The following CHD9 variants were observed in gnomAD, a reference collection of about 807,000 sequenced individuals.
CHD9 encodes chromodomain helicase DNA binding protein 9.
A neutral mutation model predicts 316.1 loss-of-function variants in CHD9; 77 were observed. The ratio of observed to expected loss-of-function variants is 0.24; its 90% CI spans 0.20 to 0.29. The LOEUF is 0.29. Ranked by LOEUF, CHD9 falls within the 10% of genes least tolerant of loss-of-function variation. The probability of loss-of-function intolerance (pLI) is 1.00; values close to 1 mark genes in which losing one functional copy is unlikely to be tolerated. For missense variants in CHD9, 2,763 were observed against 3,438.1 expected (o/e 0.80, Z 4.91); for synonymous variants, 1,129 against 1,158.3 (o/e 0.97, Z 0.51).
At chr16:53,185,114 T>C (rs2043870565) in intron 2 of CHD9, among the ~76,000 whole-genome samples, 2 of 152,284 alleles carry the variant, frequency 1.3e-5, no homozygotes, top group Admixed American at 6.5e-5. Flanking sequence ...GCTGTAAAGA[T>C]ACCCAAAAAT....
At chr16:53,123,305 C>T (rs1436028569) in intron 1 of CHD9, among the ~76,000 whole-genome samples, 1 of 151,730 alleles carries the variant, frequency 6.6e-6, no homozygotes, top group Non-Finnish European at 1.5e-5. Context: ...TATTGCCCCC[C>T]AGAAGAAACC....
chr16:53,093,162 A>T (rs879461935), intron 1 of CHD9, among the ~76,000 whole-genome samples: 3 of 152,236 alleles, frequency 2.0e-5, no homozygotes, highest in Non-Finnish European at 4.4e-5. Context: ...CTCAGGCACT[A>T]GGGCCACCCC....
intron 2 of CHD9, among the ~76,000 whole-genome samples, chr16:53,178,880 G>T (rs1170072529): frequency 6.6e-6 from 1 of 152,144 alleles, no homozygotes; most frequent in Non-Finnish European, 1.5e-5. Flanking sequence ...AGGCATACTG[G>T]CGCACACCTG....
chr16:53,229,152 G>T, intron 8 of CHD9, 52 bp downstream of exon 8: 1 of 838,958 alleles, frequency 1.2e-6, no homozygotes, highest in Non-Finnish European at 1.8e-6. Flanking sequence ...AATACATGTA[G>T]CATTATTTAT....
chr16:53,116,500 C>G (rs1323676928), intron 1 of CHD9, among the ~76,000 whole-genome samples: 2 of 152,146 alleles, frequency 1.3e-5, no homozygotes, highest in Admixed American at 6.6e-5. Flanking sequence ...CTTTGCTAGT[C>G]AATAATTATT....
At chr16:53,275,658 C>T (rs1427008433) in intron 24 of CHD9, among the ~76,000 whole-genome samples, 4 of 152,134 alleles carry the variant, frequency 2.6e-5, no homozygotes, top group Admixed American at 6.6e-5. Context: ...ACCTACTACT[C>T]AACCCCCCAT....
chr16:53,282,228 A>C (rs1275207338), intron 24 of CHD9, among the ~76,000 whole-genome samples: 2 of 152,144 alleles, frequency 1.3e-5, no homozygotes, highest in South Asian at 2.1e-4. Context: ...ATGCGTGCAC[A>C]CAACAACACT....
chr16:53,285,839 A>G, intron 25 of CHD9, 140 bp downstream of exon 25: 3 of 529,426 alleles, frequency 5.7e-6, no homozygotes, highest in Non-Finnish European at 9.9e-6. Flanking sequence ...ATACACTACC[A>G]AACTATGTCT....
chr16:53,255,911 C>T, intron 19 of CHD9, 132 bp downstream of exon 19: 1 of 820,402 alleles, frequency 1.2e-6, no homozygotes, highest in South Asian at 2.1e-5. Flanking sequence ...AATGTATTTT[C>T]CTTCATTTTT....
chr16:53,162,945 A>G (rs888460648), intron 2 of CHD9, among the ~76,000 whole-genome samples: 4 of 151,390 alleles, frequency 2.6e-5, no homozygotes, highest in African/African-American at 9.7e-5. Flanking sequence ...AACTTTTTTT[A>G]TTTTTTGTGG....
chr16:53,081,525 C>A (rs2035013240), intron 1 of CHD9, among the ~76,000 whole-genome samples: 1 of 152,122 alleles, frequency 6.6e-6, no homozygotes, highest in South Asian at 2.1e-4. Context: ...TATGAGTAGG[C>A]GTGTCTTATT....
intron 27 of CHD9, among the ~76,000 whole-genome samples, chr16:53,291,094 C>T (rs190376368): frequency 3.4e-4 from 51 of 152,132 alleles, no homozygotes; most frequent in African/African-American, 1.2e-3. Context: ...ATTGAAGATA[C>T]ACCAAACAAA....
At chr16:53,171,734 C>G (rs2152782206) in intron 2 of CHD9, among the ~76,000 whole-genome samples, 1 of 152,056 alleles carries the variant, frequency 6.6e-6, no homozygotes. Flanking sequence ...CACCTGTAGT[C>G]CCAGCTGCTC....
chr16:53,302,209 C>G (rs192748763), intron 30 of CHD9, among the ~76,000 whole-genome samples: 3 of 152,224 alleles, frequency 2.0e-5, no homozygotes, highest in Admixed American at 6.5e-5. Context: ...TTCCAAGATC[C>G]TACAATGTAT....
Position 53,156,971 on chromosome 16 carries a change from A to G in CHD9, c.882A>G (p.Ala294=). 1.2e-6 allele frequency: 2 copies of G among 1,612,992 alleles called. No homozygotes were observed. Among genetic ancestry groups the G allele is most frequent in the South Asian group, 2.2e-5 (2 of 91,054 alleles). Residue 294 remains alanine, a synonymous_variant, in exon 2 of 39, where the codon GCA becomes GCG. Coordinates refer to ENST00000447540, the MANE Select transcript of CHD9 (RefSeq NM_001308319.2). ...NSLLQSSAVL[A]SNHTNQTLSD... The stretch of plus-strand genomic sequence containing the variant: ...TACTTCAGTCCTCTGCAGTTCTTGC[A>G]TCTAATCATACAAATCAGACTTTAT...
chr16:53,208,568 A>G (rs1401037110), intron 2 of CHD9: 3 of 1,021,368 alleles, frequency 2.9e-6, no homozygotes, highest in East Asian at 2.1e-4. Context: ...TTCCTTTCCC[A>G]GTGCTGCAGT....
intron 1 of CHD9, among the ~76,000 whole-genome samples, chr16:53,067,313 G>A (rs982048965): frequency 4.6e-5 from 7 of 152,170 alleles, no homozygotes; most frequent in African/African-American, 1.4e-4. Context: ...ATTTGATATG[G>A]TACATTTGTT....
chr16:53,282,433 C>T (rs930470035), intron 24 of CHD9, among the ~76,000 whole-genome samples: 2 of 152,210 alleles, frequency 1.3e-5, no homozygotes, highest in African/African-American at 4.8e-5. Flanking sequence ...TGGCGAAACC[C>T]TGTCTCTACA....
At chr16:53,310,740 A>T (rs913303575) in intron 34 of CHD9, 1 of 150,792 alleles carries the variant, frequency 6.6e-6, no homozygotes, top group African/African-American at 2.4e-5. Flanking sequence ...ATTCCCAGCT[A>T]CTCAGGAGGC....
Sources: gnomAD v4.1 joint callset for allele counts (sites outside exome capture counted in the v4.1 genomes callset) on GRCh38, gnomAD v4.1.1 for gene constraint, MANE v1.5 for transcripts, NCBI Gene and HGNC (gene_info 2026-07-23, HGNC 2026-07-21) for gene names.